The following KIF1B variants were observed in gnomAD, a reference collection of about 807,000 sequenced individuals.
KIF1B encodes kinesin family member 1B.
A neutral mutation model predicts 241.9 loss-of-function variants in KIF1B; 76 were observed. The observed-to-expected ratio is 0.31, with a 90% CI of 0.26 to 0.38. The LOEUF (loss-of-function observed/expected upper bound fraction) is 0.38, where lower values mean the gene tolerates loss of function less well. KIF1B is among the 10% of genes least tolerant of loss of function. The probability of loss-of-function intolerance (pLI) is 1.00; values close to 1 mark genes in which losing one functional copy is unlikely to be tolerated. For synonymous variants in KIF1B, 750 were observed against 796.7 expected, an observed-to-expected ratio of 0.94 and a Z score of 0.99; for missense variants, 1,622 against 2,271.4, an observed-to-expected ratio of 0.71 and a Z score of 5.81.
intron 22 of KIF1B, among the ~76,000 whole-genome samples, chr1:10,301,707 A>G (rs1334199012): frequency 6.6e-6 from 1 of 152,170 alleles, no homozygotes; most frequent in African/African-American, 2.4e-5. Flanking sequence ...AAGAATGGCT[A>G]CTTCATAGGC....
chr1:10,270,807 G>A (rs1182803355), intron 7 of KIF1B, among the ~76,000 whole-genome samples: 1 of 151,562 alleles, frequency 6.6e-6, no homozygotes, highest in Non-Finnish European at 1.5e-5. Flanking sequence ...GCGCCTGTAA[G>A]CTCAGCTACT....
chr1:10,337,279 G>C lies in KIF1B; in HGVS notation c.3259+76G>C. ...ATATTGACCATTATCAAGGGACATAGTGGCCTTCATCAACTAGGAATGGAA... is the reference window on the plus strand; with the variant it reads ...ATATTGACCATTATCAAGGGACATACTGGCCTTCATCAACTAGGAATGGAA... On this transcript the variant is annotated intron_variant, in intron 30 of 48. Transcript: ENST00000676179. The surrounding 1 kb of genome is among the most constrained non-coding windows in gnomAD (Gnocchi z 4.0). 1 of 1,612,152 alleles carries C rather than the reference G, an allele frequency of 6.2e-7. No individual in the cohort carries two copies. The highest frequency in any genetic ancestry group is 8.5e-7 in the Non-Finnish European group (1 of 1,178,234).
At chr1:10,307,360 A>G in intron 22 of KIF1B, 8 of 888,208 alleles carry the variant, frequency 9.0e-6, no homozygotes, top group Non-Finnish European at 1.1e-5. Context: ...CCCAGGCTGC[A>G]GTGCAGTGGC....
At position 10,295,295 on chromosome 1, in the gene KIF1B, C is replaced by G. The variant is rs151270312; in HGVS notation, c.1670+130C>G. ...ATTTTTTGTCTGAAATAGTTACAAA[C>G]TATGCTCTCTTTCCAAATAATGTGT... On this transcript the variant is annotated intron_variant, in intron 18 of 48. Coordinates refer to ENST00000676179, the MANE Select transcript of KIF1B (RefSeq NM_001365951.3). 477 of 701,742 alleles carry G rather than the reference C, an allele frequency of 6.8e-4. No homozygotes were observed. In the East Asian group the frequency reaches 0.012, roughly 18 times the overall value. The allele number at this position is 701,742 out of a possible 1,614,324, so 43.5% of individuals were successfully genotyped here.
At chr1:10,320,015 A>C (rs994706932) in intron 22 of KIF1B, 28 bp from the exon 23 acceptor site, 2 of 1,479,540 alleles carry the variant, frequency 1.4e-6, no homozygotes, top group Non-Finnish European at 1.9e-6. Flanking sequence ...TCCCTCTCCT[A>C]CATGTTATCT....
intron 1 of KIF1B, among the ~76,000 whole-genome samples, chr1:10,231,628 C>G (rs562339747): frequency 6.6e-6 from 1 of 151,960 alleles, no homozygotes; most frequent in African/African-American, 2.4e-5. Context: ...CTCAAGTGAT[C>G]CGCCCAACTT....
intron 34 of KIF1B, among the ~76,000 whole-genome samples, chr1:10,344,061 C>T (rs1652499184): frequency 6.6e-6 from 1 of 152,200 alleles, no homozygotes; most frequent in African/African-American, 2.4e-5. Flanking sequence ...TCTCCACCCT[C>T]TGTATTCCCC....
intron 15 of KIF1B, among the ~76,000 whole-genome samples, 199 bp from the exon 16 acceptor site, chr1:10,290,883 G>A (rs1359649776): frequency 2.0e-5 from 3 of 151,676 alleles, no homozygotes; most frequent in Non-Finnish European, 4.4e-5. Flanking sequence ...AAGACTTGGA[G>A]GATTTATTTG....
At chr1:10,297,297 A>G (rs1193062216) in intron 22 of KIF1B, 51 bp downstream of exon 22, 2 of 1,516,610 alleles carry the variant, frequency 1.3e-6, no homozygotes, top group Admixed American at 3.3e-5. Context: ...GCTTGTTCCC[A>G]TACTTTCCCT....
intron 5 of KIF1B, among the ~76,000 whole-genome samples, chr1:10,263,695 C>G (rs1182109554): frequency 2.0e-5 from 3 of 152,140 alleles, no homozygotes; most frequent in Non-Finnish European, 4.4e-5. Context: ...TAGCTTGTCC[C>G]ATAGTTATTC....
At position 10,360,923 on chromosome 1, in the gene KIF1B, C is replaced by G. The variant is rs754886872; in HGVS notation, c.4056-6C>G. On this transcript the variant is annotated splice_polypyrimidine_tract_variant and splice_region_variant and intron_variant, in intron 38 of 48. Coordinates refer to ENST00000676179, the MANE Select transcript of KIF1B (RefSeq NM_001365951.3). ...GGATGATTCCCTCTTGTCTTTCTGA[C>G]CTTAGGACCTTCTACCGCTTTGAGG... The G allele has an allele frequency of 7.1e-5, 113 of 1,598,392 alleles. No homozygotes were observed. The highest frequency in any genetic ancestry group is 5.4e-5 in the African/African-American group (4 of 74,474).
At chr1:10,276,727 T>A (rs1024920050) in intron 12 of KIF1B, among the ~76,000 whole-genome samples, 15 of 152,208 alleles carry the variant, frequency 9.9e-5, no homozygotes, top group Admixed American at 9.8e-4. Flanking sequence ...ATAGTGACAT[T>A]TTCTTATTCA....
intron 1 of KIF1B, among the ~76,000 whole-genome samples, chr1:10,219,390 G>A (rs945950644): frequency 1.3e-5 from 2 of 151,968 alleles, no homozygotes; most frequent in African/African-American, 4.8e-5. Flanking sequence ...AACCTGGGAG[G>A]CGGAGGTTGC....
chr1:10,346,800 C>G (rs1048856965), intron 35 of KIF1B, among the ~76,000 whole-genome samples: 1 of 152,164 alleles, frequency 6.6e-6, no homozygotes, highest in Non-Finnish European at 1.5e-5. Flanking sequence ...TTTTCCTAGA[C>G]CAGGGTTTCT....
At position 10,303,512 on chromosome 1, in the gene KIF1B, A is replaced by C; in HGVS notation, c.2115+6266A>C. On this transcript the variant is annotated intron_variant, in intron 22 of 48. Transcript: ENST00000676179. This position sits in a 1 kb window ranked among gnomAD's most constrained non-coding sequence, Gnocchi z 5.2. ...AAGGAGCTTTGTGCCATGTATGGCA[A>C]GAAAGACCCCAATGAGCGGGACTCC... 1 of 1,614,198 alleles carries C rather than the reference A, an allele frequency of 6.2e-7. No individual in the cohort carries two copies. Among genetic ancestry groups the C allele is most frequent in the Non-Finnish European group, 8.5e-7 (1 of 1,180,038 alleles).
chr1:10,214,935 T>G (rs1646743322), intron 1 of KIF1B, among the ~76,000 whole-genome samples: 1 of 151,634 alleles, frequency 6.6e-6, no homozygotes, highest in African/African-American at 2.4e-5. Flanking sequence ...CCTTTTCATT[T>G]TAGTACAATT....
intron 2 of KIF1B, among the ~76,000 whole-genome samples, chr1:10,240,093 A>G (rs1280352690): frequency 1.3e-5 from 2 of 151,296 alleles, no homozygotes; most frequent in Non-Finnish European, 3.0e-5. Context: ...TGGCAGAGAC[A>G]GGGTTTCCCC....
At chr1:10,228,154 C>A (rs1646934560) in intron 1 of KIF1B, among the ~76,000 whole-genome samples, 2 of 151,790 alleles carry the variant, frequency 1.3e-5, no homozygotes, top group African/African-American at 4.8e-5. Context: ...CACTGCACTC[C>A]AGCCTGACCT....
chr1:10,371,346 T>C, intron 45 of KIF1B, 84 bp downstream of exon 45: 1 of 1,514,736 alleles, frequency 6.6e-7, no homozygotes, highest in Admixed American at 1.8e-5. Context: ...GGTTCTTGAC[T>C]GAAGGCAGCA....
Sources: gnomAD v4.1 joint callset for allele counts (sites outside exome capture counted in the v4.1 genomes callset) on GRCh38, gnomAD v4.1.1 for gene constraint, Gnocchi (gnomAD v3.1) non-coding constraint, MANE v1.5 for transcripts, NCBI Gene and HGNC (gene_info 2026-07-23, HGNC 2026-07-21) for gene names.